The following PTPRF variants were observed in gnomAD, a reference collection of about 807,000 sequenced individuals.
PTPRF encodes the protein receptor-type tyrosine-protein phosphatase F.
A neutral mutation model predicts 201.8 loss-of-function variants in PTPRF; 59 were observed. The ratio of observed to expected loss-of-function variants is 0.29; its 90% CI spans 0.24 to 0.36. The LOEUF is 0.36. Among genes scored for constraint, PTPRF ranks in the 10% least tolerant of loss-of-function variants. The probability of loss-of-function intolerance (pLI) is 1.00; values close to 1 mark genes in which losing one functional copy is unlikely to be tolerated. For missense variants in PTPRF, 2,132 were observed against 2,690.5 expected (o/e 0.79, Z 4.59); for synonymous variants, 1,088 against 1,089.7 (o/e 1.00, Z 0.03).
chr1:43,530,936 G>GGGCTCGGGCTCCGGCTCC lies in PTPRF; in HGVS notation c.-274_-257dup, dbSNP rs1360067931. 1.3e-5 allele frequency: 2 copies of GGGCTCGGGCTCCGGCTCC among 151,868 alleles called. No homozygotes were observed. The highest frequency in any genetic ancestry group is 5.2e-5 in the African/African-American group (2 of 38,450). The allele number at this position is 151,868 out of a possible 1,614,324, so 9.4% of individuals were successfully genotyped here. A position where few individuals can be genotyped will look rare whatever the true frequency, so the allele number is the denominator to read the frequency against. On this transcript the variant is annotated 5_prime_UTR_variant, in exon 1 of 34. Coordinates refer to ENST00000359947, the MANE Select transcript of PTPRF (RefSeq NM_002840.5). This position sits in a 1 kb window ranked among gnomAD's most constrained non-coding sequence, Gnocchi z 4.1. ...GCGGCTCCAGCTTCGGCTCCGGCTC[G>GGGCTCGGGCTCCGGCTCC]GGCTCGGGCTCCGGCTCCGGCTCCG...
chr1:43,595,944 C>T (rs577698625), intron 11 of PTPRF, among the ~76,000 whole-genome samples: 59 of 152,102 alleles, frequency 3.9e-4, no homozygotes, highest in African/African-American at 1.4e-3. Context: ...CATGGAGAGT[C>T]CTGGAGGATG....
At chr1:43,593,650 T>C (rs1335249571) in intron 11 of PTPRF, among the ~76,000 whole-genome samples, 2 of 16,222 alleles carry the variant, frequency 1.2e-4, no homozygotes, top group Non-Finnish European at 4.7e-4. Flanking sequence ...TAAGCCACCG[T>C]GCCTGGCTCT....
At chr1:43,524,171 G>A (rs1239643295), upstream of PTPRF, among the ~76,000 whole-genome samples, 1 of 151,858 alleles carries the variant, frequency 6.6e-6, no homozygotes, top group African/African-American at 2.4e-5. Context: ...CTGTGAGTAC[G>A]CAAAGGCATA....
intron 8 of PTPRF, among the ~76,000 whole-genome samples, chr1:43,590,192 C>T (rs755457732): frequency 1.3e-4 from 20 of 152,158 alleles, no homozygotes; most frequent in Non-Finnish European, 2.2e-4. Flanking sequence ...CAGGCCTCAG[C>T]TTGGTGATGC....
intron 7 of PTPRF, among the ~76,000 whole-genome samples, chr1:43,580,747 G>A (rs1044313235): frequency 3.9e-5 from 6 of 152,238 alleles, no homozygotes; most frequent in African/African-American, 1.4e-4. Flanking sequence ...CAAATGCTGT[G>A]CTCTCTAGAG....
chr1:43,581,262 A>G (rs1216880922), intron 7 of PTPRF, among the ~76,000 whole-genome samples: 3 of 152,166 alleles, frequency 2.0e-5, no homozygotes, highest in Admixed American at 1.3e-4. Flanking sequence ...CCATCCCCAC[A>G]TGCCTTTTGG....
chr1:43,563,308 T>G (rs1273257686), intron 5 of PTPRF, among the ~76,000 whole-genome samples: 1 of 152,064 alleles, frequency 6.6e-6, no homozygotes. Flanking sequence ...CTAAGATTCA[T>G]GTACTAGAGG....
intron 9 of PTPRF, 124 bp downstream of exon 9, chr1:43,591,677 T>G: frequency 1.4e-6 from 2 of 1,442,342 alleles, no homozygotes; most frequent in Non-Finnish European, 1.9e-6. Context: ...AGGTGCCGTA[T>G]TCCATAGATG....
intron 5 of PTPRF, among the ~76,000 whole-genome samples, chr1:43,567,270 A>AGGCACTGG (rs1311022525): frequency 5.3e-5 from 8 of 152,176 alleles, no homozygotes; most frequent in Non-Finnish European, 1.2e-4. Context: ...TTCCTATGGA[A>AGGCACTGG]GCAAGCAGCA....
intron 33 of PTPRF, 79 bp downstream of exon 33, chr1:43,621,311 G>A: frequency 6.4e-7 from 1 of 1,551,844 alleles, no homozygotes; most frequent in East Asian, 2.3e-5. Context: ...ACAGTTTGAT[G>A]CCCACAGGCA....
At position 43,553,365 on chromosome 1, in the gene PTPRF, A is replaced by AC. The variant is rs766899079; in HGVS notation, c.92-126dup. The AC allele has an allele frequency of 1.9e-6, 2 of 1,066,850 alleles. No individual in the cohort carries two copies. The highest frequency in any genetic ancestry group is 4.5e-5 in the Admixed American group (2 of 44,854). 66.1% of individuals were successfully genotyped at this position (1,066,850 alleles called of 1,614,324 possible). A position where few individuals can be genotyped will look rare whatever the true frequency, so the allele number is the denominator to read the frequency against. Reference sequence around the variant, plus strand: ...CAGTGCCTGGCACATACTAAGCGCTACATAAAGGTGAGGTGTCCTTGTTTT... The same window carrying AC: ...CAGTGCCTGGCACATACTAAGCGCTACCATAAAGGTGAGGTGTCCTTGTTTT... On this transcript the variant is annotated intron_variant, in intron 3 of 33. Transcript: ENST00000359947. The surrounding 1 kb of genome is among the most constrained non-coding windows in gnomAD (Gnocchi z 4.1).
rs1292246588 is a variant in PTPRF at position 43,603,010 on chromosome 1, C to G, written c.2341-406C>G. Among the ~76,000 whole-genome samples, 6 of 152,192 alleles carry G rather than the reference C, an allele frequency of 3.9e-5. No individual in the cohort carries two copies. Among genetic ancestry groups the G allele is most frequent in the Non-Finnish European group, 7.4e-5 (5 of 68,016 alleles). ...TGCATGCACTGGTGTCCACAGGCAG[C>G]CTTACGCCTGCTTATGCAGGAGCTG... On this transcript the variant is annotated intron_variant, in intron 14 of 33. Transcript: ENST00000359947. This position sits in a 1 kb window ranked among gnomAD's most constrained non-coding sequence, Gnocchi z 5.8.
At chr1:43,584,935 AC>A (rs1648734013) in intron 7 of PTPRF, among the ~76,000 whole-genome samples, 1 of 152,184 alleles carries the variant, frequency 6.6e-6, no homozygotes, top group Admixed American at 6.5e-5. Context: ...TGGGCGCCGC[AC>A]CGCCCTATTA....
At position 43,590,952 on chromosome 1, in the gene PTPRF, G is replaced by C. The variant is rs767201827; in HGVS notation, c.950-20G>C. 12 of 1,592,410 alleles carry C rather than the reference G, an allele frequency of 7.5e-6. No individual in the cohort carries two copies. In the Admixed American group the frequency reaches 1.5e-4, roughly 20 times the overall value. On this transcript the variant is annotated intron_variant, in intron 8 of 33. Coordinates refer to ENST00000359947, the MANE Select transcript of PTPRF (RefSeq NM_002840.5). ...GGATCTTGACCTCGGGCAGCTTTGAGCCTTCCACTTTGTCTCCAGCTCTTC... is the reference window on the plus strand; with the variant it reads ...GGATCTTGACCTCGGGCAGCTTTGACCCTTCCACTTTGTCTCCAGCTCTTC...
intron 5 of PTPRF, among the ~76,000 whole-genome samples, chr1:43,557,590 C>T (rs886602279): frequency 3.3e-5 from 5 of 149,870 alleles, no homozygotes; most frequent in East Asian, 3.9e-4. Flanking sequence ...GCTGAGATTG[C>T]GCCACTGCAC....
rs1239621950 is a variant in PTPRF at position 43,554,610 on chromosome 1, G to C, written c.379+669G>C. 1.3e-5 allele frequency among the ~76,000 whole-genome samples: 2 copies of C among 152,048 alleles called. No homozygotes were observed. The highest frequency in any genetic ancestry group is 4.8e-5 in the African/African-American group (2 of 41,390). ...AATTTGGGTTTTCTGGAGGGCAGAGGGGGAGCTAGAGAGCACAGGAAGAAG... is the reference window on the plus strand; with the variant it reads ...AATTTGGGTTTTCTGGAGGGCAGAGCGGGAGCTAGAGAGCACAGGAAGAAG... On this transcript the variant is annotated intron_variant, in intron 5 of 33. Transcript: ENST00000359947. This position sits in a 1 kb window ranked among gnomAD's most constrained non-coding sequence, Gnocchi z 4.1.
In PTPRF at chr1:43,589,007, G is replaced by A. The variant is rs1157184702; in HGVS notation, c.949+7G>A. 10 of 1,541,788 alleles carry A rather than the reference G, an allele frequency of 6.5e-6. No homozygotes were observed. The East Asian group carries it at 1.1e-4, about 18-fold the overall frequency. On this transcript the variant is annotated splice_region_variant and intron_variant, in intron 8 of 33. Transcript: ENST00000359947. ...GCCCAGGTCACAGTGAAAGGTGAGT[G>A]TGGCAGGTGCTGTAACCAGTGCCCT...
At chr1:43,618,082 A>G (rs994247657) in intron 25 of PTPRF, among the ~76,000 whole-genome samples, 171 bp downstream of exon 25, 3 of 152,190 alleles carry the variant, frequency 2.0e-5, no homozygotes, top group Admixed American at 2.0e-4. Flanking sequence ...TGTTTCTGGG[A>G]TACAGCATGT....
Position 43,598,034 on chromosome 1 carries a change from G to A in PTPRF, c.2100G>A (p.Leu700=). ...CCGGCCCCGAGAGCAGCCCGGTGCT[G>A]GTGCGCACCGATGAGGACGGTAGGC... ...VGPGPESSPV[L]VRTDEDVPSG... is the part of the protein sequence containing the mutation. The change falls in exon 12 of 34, where the codon CTG becomes CTA. Residue 700 remains leucine (L), a synonymous_variant. Coordinates refer to ENST00000359947, the MANE Select transcript of PTPRF (RefSeq NM_002840.5). The A allele has an allele frequency of 1.3e-6, 2 of 1,500,192 alleles. No individual in the cohort carries two copies. The highest frequency in any genetic ancestry group is 1.8e-6 in the Non-Finnish European group (2 of 1,116,596). The allele number at this position is 1,500,192 out of a possible 1,614,324, so 92.9% of individuals were successfully genotyped here. A position where few individuals can be genotyped will look rare whatever the true frequency, so the allele number is the denominator to read the frequency against.
Sources: gnomAD v4.1 joint callset for allele counts (sites outside exome capture counted in the v4.1 genomes callset) on GRCh38, gnomAD v4.1.1 for gene constraint, Gnocchi (gnomAD v3.1) non-coding constraint, MANE v1.5 for transcripts, NCBI Gene and HGNC (gene_info 2026-07-23, HGNC 2026-07-21) for gene names.